The following KCNB2 variants were observed in gnomAD, a reference collection of about 807,000 sequenced individuals.
The protein encoded by KCNB2 is delayed rectifier potassium channel protein.
KCNB2 carries 15 observed loss-of-function variants against 61.5 expected under a neutral mutation model. That is an observed-to-expected ratio of 0.24 (90% CI 0.16 to 0.38). KCNB2 has a LOEUF of 0.38. Ranked by LOEUF, KCNB2 falls within the 10% of genes least tolerant of loss-of-function variation. The pLI is 1.00. For missense variants in KCNB2, 828 were observed against 1,125.2 expected, an observed-to-expected ratio of 0.74 and a Z score of 3.78; for synonymous variants, 457 against 446.0, an observed-to-expected ratio of 1.02 and a Z score of -0.31.
At chr8:72,673,130 T>C (rs556966855) in intron 2 of KCNB2, among the ~76,000 whole-genome samples, 1 of 152,304 alleles carries the variant, frequency 6.6e-6, no homozygotes, top group South Asian at 2.1e-4. Context: ...AATAGGTGAA[T>C]CCACATTATT....
At chr8:72,856,005 CA>C (rs1366232266) in intron 2 of KCNB2, among the ~76,000 whole-genome samples, 31 of 152,198 alleles carry the variant, frequency 2.0e-4, no homozygotes, top group African/African-American at 6.7e-4. Flanking sequence ...TAGAGAATAA[CA>C]AGAAAACAAG....
chr8:72,908,992 T>C (rs1269929026), intron 2 of KCNB2, among the ~76,000 whole-genome samples: 1 of 152,192 alleles, frequency 6.6e-6, no homozygotes, highest in Non-Finnish European at 1.5e-5. Flanking sequence ...TTCAGCAAGA[T>C]TGGAATTCCA....
intron 2 of KCNB2, among the ~76,000 whole-genome samples, chr8:72,585,574 C>T: frequency 6.6e-6 from 1 of 152,150 alleles, no homozygotes; most frequent in African/African-American, 2.4e-5. Flanking sequence ...CTCTATGTTA[C>T]TCAGGCTGGT....
intron 2 of KCNB2, among the ~76,000 whole-genome samples, chr8:72,746,656 G>A (rs528090939): frequency 1.3e-5 from 2 of 152,252 alleles, no homozygotes; most frequent in South Asian, 2.1e-4. Flanking sequence ...TGTGACAGCT[G>A]TAAGGTACAG....
At chr8:72,859,345 A>G (rs573159368) in intron 2 of KCNB2, among the ~76,000 whole-genome samples, 2 of 152,328 alleles carry the variant, frequency 1.3e-5, no homozygotes, top group South Asian at 4.1e-4. Flanking sequence ...GCCTATTTCA[A>G]ATAACATCAT....
chr8:72,568,219 GAGA>G lies in KCNB2; in HGVS notation c.488_490del (p.Glu163del), dbSNP rs1320848071. The G allele has an allele frequency of 1.2e-6, 2 of 1,614,136 alleles. No individual in the cohort carries two copies. The highest frequency in any genetic ancestry group is 1.7e-6 in the Non-Finnish European group (2 of 1,180,032). ...CGAGAGGCAGAGACTATGCGAGAGC[GAGA>G]AGGAGAAGAGTTTGATAATACCTGC... On this transcript the variant is annotated inframe_deletion, in exon 2 of 3. Transcript: ENST00000523207.
chr8:72,538,439 ATT>A (rs1563516938), intron 1 of KCNB2, among the ~76,000 whole-genome samples: 1 of 152,094 alleles, frequency 6.6e-6, no homozygotes, highest in African/African-American at 2.4e-5. Context: ...GACATCGACC[ATT>A]TGCCTCATCA....
intron 2 of KCNB2, among the ~76,000 whole-genome samples, chr8:72,901,981 A>G (rs1806100325): frequency 6.6e-6 from 1 of 152,168 alleles, no homozygotes; most frequent in Non-Finnish European, 1.5e-5. Context: ...AAGTTATAGC[A>G]GAAAAGGGAA....
chr8:72,569,748 G>T (rs1806682159), intron 2 of KCNB2, among the ~76,000 whole-genome samples: 1 of 152,100 alleles, frequency 6.6e-6, no homozygotes, highest in Admixed American at 6.6e-5. Context: ...AGTGAATTTT[G>T]AAAATGAATG....
chr8:72,671,263 C>T (rs910770977), intron 2 of KCNB2, among the ~76,000 whole-genome samples: 5 of 152,130 alleles, frequency 3.3e-5, no homozygotes. Context: ...GCAAATACCT[C>T]AACATGGAAA....
intron 2 of KCNB2, among the ~76,000 whole-genome samples, chr8:72,610,098 TAAAACAACAGGAAA>T (rs1256764037): frequency 6.6e-6 from 1 of 151,982 alleles, no homozygotes; most frequent in East Asian, 1.9e-4. Flanking sequence ...AGGGTTGGGA[TAAAACAACAGGAAA>T]AAAAAATCTT....
At chr8:72,780,559 T>C (rs1438829051) in intron 2 of KCNB2, among the ~76,000 whole-genome samples, 1 of 152,206 alleles carries the variant, frequency 6.6e-6, no homozygotes, top group African/African-American at 2.4e-5. Flanking sequence ...CAAAGTTTCT[T>C]AATGATTAAT....
At chr8:72,856,573 A>G (rs556696890) in intron 2 of KCNB2, among the ~76,000 whole-genome samples, 113 of 152,344 alleles carry the variant, frequency 7.4e-4, no homozygotes, top group Non-Finnish European at 1.0e-3. Context: ...GGGATGAAAT[A>G]TCTCTACTTG....
intron 2 of KCNB2, among the ~76,000 whole-genome samples, chr8:72,830,704 A>G (rs1301992719): frequency 1.3e-5 from 2 of 152,350 alleles, no homozygotes; most frequent in Admixed American, 1.3e-4. Context: ...GCAGACATGC[A>G]TGCCTGTCCT....
rs541989038 is a variant in KCNB2, at chr8:72,740,927, T to C, written c.579+172614T>C. ...AATATTGTAACTTTGGGTATTTTAA[T>C]TGATGTCTTAGATGTCTCACAGTTT... On this transcript the variant is annotated intron_variant, in intron 2 of 2. Transcript: ENST00000523207. Among the ~76,000 whole-genome samples, 3 of 152,350 alleles carry C rather than the reference T, an allele frequency of 2.0e-5. No homozygotes were observed. The South Asian group carries it at 6.2e-4, about 32-fold the overall frequency.
intron 2 of KCNB2, among the ~76,000 whole-genome samples, chr8:72,789,503 G>A (rs1482509430): frequency 6.6e-6 from 1 of 152,120 alleles, no homozygotes; most frequent in African/African-American, 2.4e-5. Context: ...ATGAAGAGAA[G>A]TTGACCAGGT....
chr8:72,810,950 G>C (rs1350535395), intron 2 of KCNB2, among the ~76,000 whole-genome samples: 1 of 152,116 alleles, frequency 6.6e-6, no homozygotes, highest in Non-Finnish European at 1.5e-5. Flanking sequence ...TGAATTTATT[G>C]TACAAGTCAC....
At chr8:72,803,226 C>A (rs1364257384) in intron 2 of KCNB2, among the ~76,000 whole-genome samples, 4 of 152,130 alleles carry the variant, frequency 2.6e-5, no homozygotes, top group Non-Finnish European at 4.4e-5. Flanking sequence ...CCGGGCTGGA[C>A]CCCCAAGAGC....
intron 2 of KCNB2, among the ~76,000 whole-genome samples, chr8:72,920,459 ATCTATCTATC>A (rs1297170416): frequency 2.6e-4 from 20 of 77,930 alleles, no homozygotes; most frequent in Admixed American, 8.2e-4. Flanking sequence ...CTATCTATCT[ATCTATCTATC>A]TATCTATATA....
Sources: allele counts gnomAD v4.1 joint callset (sites outside exome capture counted in the v4.1 genomes callset), GRCh38; gene constraint gnomAD v4.1.1; transcripts MANE v1.5; gene names NCBI Gene and HGNC (gene_info 2026-07-23, HGNC 2026-07-21).